Variants in AQP7B observed in about 807,000 individuals in gnomAD.
AQP7B encodes the protein putative aquaporin-7B.
At chr2:94,603,699 A>G in the AQP7B span, 22 of 1,424,086 alleles carry the variant, frequency 1.5e-5, no homozygotes, top group East Asian at 5.2e-4. Context: ...CTGCCACAGC[A>G]TCTGCTCCTC....
the AQP7B span, among the ~76,000 whole-genome samples, chr2:94,595,371 G>T: frequency 2.1e-4 from 32 of 152,156 alleles, no homozygotes; most frequent in African/African-American, 7.2e-4. Flanking sequence ...GGAGGTGGAG[G>T]TTGCAGTGAG....
the AQP7B span, among the ~76,000 whole-genome samples, chr2:94,593,783 G>T: frequency 6.6e-6 from 1 of 152,002 alleles, no homozygotes. Flanking sequence ...ACCGGGCCCA[G>T]CCCCTCTTCT....
the AQP7B span, among the ~76,000 whole-genome samples, chr2:94,601,313 C>T: frequency 6.6e-6 from 1 of 152,300 alleles, no homozygotes; most frequent in East Asian, 1.9e-4. Flanking sequence ...GGATGGGGAA[C>T]ATAGAGTGAG....
chr2:94,596,858 C>A, the AQP7B span, among the ~76,000 whole-genome samples: 10 of 152,268 alleles, frequency 6.6e-5, no homozygotes, highest in East Asian at 1.4e-3. Context: ...TGCCACTGTG[C>A]TCAGCTAATT....
At chr2:94,602,449 G>A in the AQP7B span, 3 of 1,577,934 alleles carry the variant, frequency 1.9e-6, no homozygotes, top group Admixed American at 3.4e-5. Flanking sequence ...TCTGAGGTTG[G>A]GGCTTCTGGG....
chr2:94,593,833 A>G, the AQP7B span, among the ~76,000 whole-genome samples: 2 of 151,668 alleles, frequency 1.3e-5, no homozygotes, highest in Non-Finnish European at 2.9e-5. Flanking sequence ...ACCTTCCCCA[A>G]ACTCCAGTCC....
At chr2:94,597,689 C>A in the AQP7B span, among the ~76,000 whole-genome samples, 16 of 150,866 alleles carry the variant, frequency 1.1e-4, no homozygotes, top group East Asian at 2.9e-3. Context: ...ACTGCAACCT[C>A]CACCTCCCGG....
the AQP7B span, among the ~76,000 whole-genome samples, chr2:94,588,095 T>C: frequency 3.9e-5 from 6 of 151,974 alleles, no homozygotes; most frequent in Non-Finnish European, 8.8e-5. Flanking sequence ...CATGTGTGCA[T>C]GTATGTGTGT....
At chr2:94,596,036 C>T in the AQP7B span, among the ~76,000 whole-genome samples, 26 of 152,158 alleles carry the variant, frequency 1.7e-4, no homozygotes, top group Admixed American at 2.6e-4. Context: ...TGAGAAGGAA[C>T]GGTCAGAGAG....
chr2:94,602,227 G>A, the AQP7B span, among the ~76,000 whole-genome samples: 2 of 152,004 alleles, frequency 1.3e-5, no homozygotes, highest in African/African-American at 4.8e-5. Flanking sequence ...TGGGGCTGAG[G>A]TGCTTGGATG....
the AQP7B span, chr2:94,604,417 G>A: frequency 6.8e-6 from 11 of 1,611,550 alleles, no homozygotes; most frequent in South Asian, 7.7e-5. Context: ...AGGACTCTGT[G>A]GCGTATGAAG....
the AQP7B span, chr2:94,604,225 G>T: frequency 7.8e-5 from 115 of 1,475,790 alleles, no homozygotes; most frequent in Non-Finnish European, 1.0e-4. Context: ...CTTCGCCCAA[G>T]GTGGATGAGG....
chr2:94,590,301 G>A, the AQP7B span, among the ~76,000 whole-genome samples: 2 of 152,068 alleles, frequency 1.3e-5, no homozygotes, highest in Non-Finnish European at 2.9e-5. Context: ...TCACGTCTCA[G>A]CCCCCACCCC....
chr2:94,603,342 T>C, the AQP7B span: 2 of 1,566,862 alleles, frequency 1.3e-6, no homozygotes, highest in Non-Finnish European at 1.7e-6. Context: ...CAGTGGGGCT[T>C]AGTTGGGGGC....
At chr2:94,596,200 C>T in the AQP7B span, among the ~76,000 whole-genome samples, 3 of 152,222 alleles carry the variant, frequency 2.0e-5, no homozygotes, top group African/African-American at 7.2e-5. Flanking sequence ...TTGCTGGTAA[C>T]CTTGACAAGG....
At chr2:94,601,017 G>A in the AQP7B span, among the ~76,000 whole-genome samples, 1 of 152,222 alleles carries the variant, frequency 6.6e-6, no homozygotes, top group Non-Finnish European at 1.5e-5. Flanking sequence ...CTGCACTCCA[G>A]CCTGGGTGAT....
chr2:94,590,037 TC>T, the AQP7B span, among the ~76,000 whole-genome samples: 13 of 152,254 alleles, frequency 8.5e-5, no homozygotes, highest in South Asian at 2.7e-3. Context: ...CTCCCATGCC[TC>T]CCCTGAGCTC....
At chr2:94,593,362 G>A in the AQP7B span, among the ~76,000 whole-genome samples, 4 of 152,008 alleles carry the variant, frequency 2.6e-5, no homozygotes, top group Admixed American at 6.6e-5. Context: ...TACGTGATGT[G>A]CAAGGATGGG....
the AQP7B span, among the ~76,000 whole-genome samples, chr2:94,592,932 T>G: frequency 7.1e-6 from 1 of 140,056 alleles, no homozygotes; most frequent in Non-Finnish European, 1.5e-5. Context: ...CAGGCAATCC[T>G]CTCACATCAG....
Sources: allele counts gnomAD v4.1 joint callset (sites outside exome capture counted in the v4.1 genomes callset), GRCh38; gene constraint gnomAD v4.1.1; transcripts MANE v1.5; gene names NCBI Gene and HGNC (gene_info 2026-07-23, HGNC 2026-07-21).